Variants in SLC2A5 observed in about 807,000 individuals in gnomAD.
SLC2A5 encodes the protein solute carrier family 2 member 5.
In SLC2A5, 56 loss-of-function variants were observed where a neutral mutation model predicts 50.3. That is an observed-to-expected ratio of 1.11 (90% CI 0.90 to 1.39). The LOEUF (loss-of-function observed/expected upper bound fraction) is 1.39, where lower values mean the gene tolerates loss of function less well. Ranked by LOEUF, SLC2A5 falls within the 40% of genes most tolerant of loss-of-function variation. SLC2A5 has a pLI of 0.00. For missense variants in SLC2A5, 566 were observed against 650.1 expected (o/e 0.87, Z 1.41); for synonymous variants, 269 against 281.9 (o/e 0.95, Z 0.46).
intron 5 of SLC2A5, chr1:9,041,414 G>A (rs1182420391): frequency 5.2e-6 from 6 of 1,150,870 alleles, no homozygotes; most frequent in African/African-American, 1.6e-5. Context: ...AGCGTTGCTG[G>A]GAGGGTCCTA....
chr1:9,041,728 G>T, intron 5 of SLC2A5, 57 bp downstream of exon 5: 1 of 1,613,712 alleles, frequency 6.2e-7, no homozygotes, highest in South Asian at 1.1e-5. Context: ...AACACAAGGA[G>T]GGGGCCAAGG....
chr1:9,065,709 G>A (rs1642063397), intron 1 of SLC2A5, among the ~76,000 whole-genome samples: 3 of 152,130 alleles, frequency 2.0e-5, no homozygotes, highest in African/African-American at 7.2e-5. Flanking sequence ...TTAGAATGGG[G>A]ATAATGGGCC....
chr1:9,072,826 G>A (rs1448445128), upstream of SLC2A5, among the ~76,000 whole-genome samples: 1 of 150,364 alleles, frequency 6.7e-6, no homozygotes, highest in African/African-American at 2.4e-5. Context: ...GCCGGTCGTG[G>A]TGGTGTGCGC....
intron 1 of SLC2A5, among the ~76,000 whole-genome samples, chr1:9,063,681 CTTTTTTTTTT>C (rs70985579): frequency 1.8e-3 from 82 of 45,176 alleles, no homozygotes; most frequent in South Asian, 5.4e-3. Context: ...CTATTATTTA[CTTTTTTTTTT>C]TTTTTTTTTT....
At chr1:9,086,388 T>TA (rs1491520084) in intron 1 of SLC2A5, among the ~76,000 whole-genome samples, 3 of 52,470 alleles carry the variant, frequency 5.7e-5, no homozygotes, top group African/African-American at 3.1e-4. Flanking sequence ...TTTCTCTCTC[T>TA]TTTTTTTTTT....
In SLC2A5 at chr1:9,059,390, G is replaced by A. The variant is rs527813139; in HGVS notation, c.34-1140C>T. Reference sequence around the variant, plus strand: ...AATCTCCTGACCTCGTGATCTGCCTGCCTTGGCCTCCCAAAGTACTGGGAT... The same window carrying A: ...AATCTCCTGACCTCGTGATCTGCCTACCTTGGCCTCCCAAAGTACTGGGAT... On this transcript the variant is annotated intron_variant, in intron 1 of 11. Coordinates refer to ENST00000377424, the MANE Select transcript of SLC2A5 (RefSeq NM_003039.3). 3.3e-5 allele frequency among the ~76,000 whole-genome samples: 5 copies of A among 151,906 alleles called. No homozygotes were observed. The East Asian group carries it at 5.8e-4, about 18-fold the overall frequency.
chr1:9,057,643 T>G (rs1641795726), intron 2 of SLC2A5, 35 bp from the exon 3 acceptor site: 1 of 1,594,706 alleles, frequency 6.3e-7, no homozygotes, highest in Non-Finnish European at 8.6e-7. Context: ...ACCAAAATAA[T>G]TTGATCCGGT....
intron 1 of SLC2A5, among the ~76,000 whole-genome samples, chr1:9,063,977 G>A (rs1454230535): frequency 6.6e-6 from 1 of 151,328 alleles, no homozygotes; most frequent in African/African-American, 2.4e-5. Context: ...TTACAGGCGT[G>A]AGCCACCGCG....
In SLC2A5 at chr1:9,039,714, G is replaced by T. The variant is rs754230868; in HGVS notation, c.886-52C>A. 3.9e-5 allele frequency: 57 copies of T among 1,448,588 alleles called. No homozygotes were observed. The East Asian group carries it at 1.5e-3, about 39-fold the overall frequency. 89.7% of individuals were successfully genotyped at this position (1,448,588 alleles called of 1,614,324 possible). Reference sequence around the variant, plus strand: ...GCTGCCCGGAGGAGGCGGCCTCGGCGCCAGGACCCACGCCCGGCGCCCCAG... The same window carrying T: ...GCTGCCCGGAGGAGGCGGCCTCGGCTCCAGGACCCACGCCCGGCGCCCCAG... On this transcript the variant is annotated intron_variant, in intron 7 of 11. Transcript: ENST00000377424.
intron 2 of SLC2A5, among the ~76,000 whole-genome samples, chr1:9,080,891 C>T (rs1412566475): frequency 6.6e-6 from 1 of 152,154 alleles, no homozygotes; most frequent in Non-Finnish European, 1.5e-5. Context: ...TGAATAAACT[C>T]CTTTAAACTG....
chr1:9,056,906 T>A (rs1487350376), intron 3 of SLC2A5, among the ~76,000 whole-genome samples: 1 of 152,078 alleles, frequency 6.6e-6, no homozygotes, highest in Non-Finnish European at 1.5e-5. Context: ...GGCCTGTAGA[T>A]CCCTGGCCAC....
rs1028503231 is a variant in SLC2A5, at chr1:9,055,959, C to T, written c.293+1489G>A. ...TAACACCCACAAATACTTAAGAAAA[C>T]GGCAAATAGCCAAATAGTGTTTATC... On this transcript the variant is annotated intron_variant, in intron 3 of 11. Coordinates refer to ENST00000377424, the MANE Select transcript of SLC2A5 (RefSeq NM_003039.3). Among the ~76,000 whole-genome samples the T allele has an allele frequency of 4.6e-5, 7 of 152,240 alleles. No individual in the cohort carries two copies. In the East Asian group the frequency reaches 7.7e-4, roughly 17 times the overall value.
chr1:9,058,040 C>A, intron 2 of SLC2A5, 112 bp downstream of exon 2: 1 of 742,924 alleles, frequency 1.3e-6, no homozygotes, highest in Non-Finnish European at 2.4e-6. Flanking sequence ...GTGTTTCCCT[C>A]TCCCTTTGCT....
chr1:9,059,554 T>TTTTTTTTTTTTTGA (rs1641853813), intron 1 of SLC2A5, among the ~76,000 whole-genome samples: 1 of 81,756 alleles, frequency 1.2e-5, no homozygotes, highest in Non-Finnish European at 2.5e-5. Context: ...TTTTTTTTTT[T>TTTTTTTTTTTTTGA]CTGAGACATT....
upstream of SLC2A5, among the ~76,000 whole-genome samples, chr1:9,090,097 C>CT (rs1289957498): frequency 3.3e-5 from 5 of 152,096 alleles, no homozygotes; most frequent in African/African-American, 9.7e-5. Flanking sequence ...CACCCTCACT[C>CT]TTTTTTGGTC....
At chr1:9,090,843 T>C (rs1642456025), upstream of SLC2A5, among the ~76,000 whole-genome samples, 1 of 152,252 alleles carries the variant, frequency 6.6e-6, no homozygotes, top group Non-Finnish European at 1.5e-5. Context: ...CCTAGCATTT[T>C]GCTTCAATAT....
chr1:9,041,890 T>C lies in SLC2A5; in HGVS notation c.466A>G (p.Lys156Glu). The change falls in exon 5 of 12, where the codon AAA (lysine) becomes GAA (glutamate). Residue 156 changes from lysine to glutamate, a missense_variant. Physicochemically the swap from Lys to Glu is moderately conservative, Grantham distance 56 (BLOSUM62 1). Transcript: ENST00000377424. ...ACCCCGAGAGCCCCCCGCAGGTTTTTAGGGGCCAGCTCCCCTAAGTACATG... is the reference window on the plus strand; with the variant it reads ...ACCCCGAGAGCCCCCCGCAGGTTTTCAGGGGCCAGCTCCCCTAAGTACATG... ...VPMYLGELAP[K>E]NLRGALGVVP... is the part of the protein sequence containing the mutation. 1.9e-6 allele frequency: 3 copies of C among 1,613,914 alleles called. No individual in the cohort carries two copies. The South Asian group carries it at 3.3e-5, about 18-fold the overall frequency.
At chr1:9,066,236 G>T (rs1466101340) in intron 1 of SLC2A5, among the ~76,000 whole-genome samples, 5 of 148,756 alleles carry the variant, frequency 3.4e-5, no homozygotes, top group Non-Finnish European at 6.0e-5. Flanking sequence ...ACAATCCTTT[G>T]TTTTTTTTTT....
intron 1 of SLC2A5, among the ~76,000 whole-genome samples, chr1:9,069,182 C>G (rs1642159498): frequency 6.6e-6 from 1 of 152,218 alleles, no homozygotes; most frequent in Non-Finnish European, 1.5e-5. Context: ...TCTCACCAAC[C>G]ATAGAAGGAT....
Sources: allele counts gnomAD v4.1 joint callset (sites outside exome capture counted in the v4.1 genomes callset), GRCh38; gene constraint gnomAD v4.1.1; transcripts MANE v1.5; gene names NCBI Gene and HGNC (gene_info 2026-07-23, HGNC 2026-07-21).